STYXL1: variants seen among roughly 807,000 people sequenced by gnomAD.
STYXL1 encodes serine/threonine/tyrosine-interacting-like protein 1.
STYXL1 carries 32 observed loss-of-function variants against 36.4 expected under a neutral mutation model. That is an observed-to-expected ratio of 0.88 (90% CI 0.66 to 1.18). The LOEUF is 1.18. Among genes scored for constraint, STYXL1 ranks in the 50% most tolerant of loss-of-function variants. The probability of loss-of-function intolerance (pLI) is 0.00; values close to 1 mark genes in which losing one functional copy is unlikely to be tolerated. For missense variants in STYXL1, 354 were observed against 394.1 expected (o/e 0.90, Z 0.86); for synonymous variants, 133 against 144.1 (o/e 0.92, Z 0.55).
At chr7:76,027,529 T>C (rs1350080345) in intron 3 of STYXL1, among the ~76,000 whole-genome samples, 5 of 151,034 alleles carry the variant, frequency 3.3e-5, no homozygotes, top group Admixed American at 6.6e-5. Flanking sequence ...GAGGCTGAGA[T>C]AGGAGGGTTG....
rs553617883 is a variant in STYXL1 at position 76,012,956 on chromosome 7, G to A, written c.453+786C>T. Reference sequence around the variant, plus strand: ...CCCCTGCCTTTCTGACCTTGGTATCGGTCCACCATCCAGCCTGCCCTCTGA... The same window carrying A: ...CCCCTGCCTTTCTGACCTTGGTATCAGTCCACCATCCAGCCTGCCCTCTGA... On this transcript the variant is annotated intron_variant, in intron 5 of 8. Transcript: ENST00000359697. 1.4e-4 allele frequency among the ~76,000 whole-genome samples: 21 copies of A among 152,218 alleles called. No individual in the cohort carries two copies. The South Asian group carries it at 1.9e-3, about 14-fold the overall frequency.
At chr7:76,023,329 C>T (rs1794299541) in intron 3 of STYXL1, among the ~76,000 whole-genome samples, 2 of 152,078 alleles carry the variant, frequency 1.3e-5, no homozygotes, top group South Asian at 4.1e-4. Context: ...AGCTTTCATC[C>T]CAGACCCAGG....
intron 8 of STYXL1, among the ~76,000 whole-genome samples, chr7:75,996,930 G>A (rs1298218117): frequency 1.3e-5 from 2 of 152,228 alleles, no homozygotes; most frequent in Non-Finnish European, 2.9e-5. Context: ...CTCAACAAAG[G>A]TTTGCATTGT....
rs1795141228 is a variant in STYXL1 at position 76,029,965 on chromosome 7, G to GTTGTTCC, written c.103+455_103+456insGGAACAA. 5.3e-5 allele frequency among the ~76,000 whole-genome samples: 8 copies of GTTGTTCC among 152,112 alleles called. No individual in the cohort carries two copies. The South Asian group carries it at 1.7e-3, about 32-fold the overall frequency. On this transcript the variant is annotated intron_variant, in intron 2 of 8. Transcript: ENST00000359697. ...CTGGTTCCTAACAGACCACAGACTG[G>GTTGTTCC]TACTGGGGGTTGGGGGTTGCGGACT...
chr7:76,007,961 G>C (rs1396384182), intron 5 of STYXL1, among the ~76,000 whole-genome samples: 2 of 151,476 alleles, frequency 1.3e-5, no homozygotes, highest in African/African-American at 4.9e-5. Flanking sequence ...CACTTTGGGA[G>C]GCTGAGGTGG....
At chr7:76,017,866 C>CAAAAAAAAAA (rs71082374) in intron 4 of STYXL1, among the ~76,000 whole-genome samples, 268 of 10,358 alleles carry the variant, frequency 0.026, 62 homozygotes, top group Middle Eastern at 0.25. Context: ...AACTCCATCT[C>CAAAAAAAAAA]AAAAAAAAAA....
chr7:76,003,731 G>A (rs782101183), intron 7 of STYXL1, 27 bp downstream of exon 7: 1 of 1,604,426 alleles, frequency 6.2e-7, no homozygotes, highest in African/African-American at 1.3e-5. Context: ...CAGGCCAGTT[G>A]CTACCCGGCC....
chr7:76,002,527 T>A (rs549476300), intron 7 of STYXL1, among the ~76,000 whole-genome samples: 1 of 152,062 alleles, frequency 6.6e-6, no homozygotes, highest in Non-Finnish European at 1.5e-5. Flanking sequence ...CTAGATGGGG[T>A]CCCTCCTTGG....
At chr7:76,016,208 A>G (rs1793297090) in intron 4 of STYXL1, among the ~76,000 whole-genome samples, 1 of 151,908 alleles carries the variant, frequency 6.6e-6, no homozygotes, top group African/African-American at 2.4e-5. Flanking sequence ...ATACATATGT[A>G]CATGTATAGG....
chr7:76,000,534 G>C (rs576987102), intron 8 of STYXL1: 103 of 467,658 alleles, frequency 2.2e-4, no homozygotes, highest in African/African-American at 1.6e-3. Context: ...CCAAGGTACA[G>C]GGAGATAGAC....
chr7:76,007,503 C>T (rs530037602), intron 5 of STYXL1, among the ~76,000 whole-genome samples: 6 of 152,080 alleles, frequency 3.9e-5, no homozygotes, highest in Non-Finnish European at 7.4e-5. Flanking sequence ...AGTTGAAGAT[C>T]CAAGGATTTG....
At chr7:76,006,108 T>C (rs2116814780) in intron 5 of STYXL1, among the ~76,000 whole-genome samples, 1 of 152,200 alleles carries the variant, frequency 6.6e-6, no homozygotes, top group South Asian at 2.1e-4. Flanking sequence ...TCTCACTCTG[T>C]CACCCAGGCT....
At chr7:76,010,379 C>T (rs75910358) in intron 5 of STYXL1, among the ~76,000 whole-genome samples, 3,873 of 152,252 alleles carry the variant, frequency 0.025, 129 homozygotes, top group East Asian at 0.15. Context: ...GGGAACATGT[C>T]TGACCTCAGG....
intron 1 of STYXL1, among the ~76,000 whole-genome samples, chr7:76,034,547 G>A (rs2116386720): frequency 6.6e-6 from 1 of 152,308 alleles, no homozygotes; most frequent in Non-Finnish European, 1.5e-5. Flanking sequence ...CTCCAGCTCT[G>A]CATGGAAGAA....
intron 7 of STYXL1, 56 bp downstream of exon 7, chr7:76,003,702 C>G (rs1791273466): frequency 6.7e-7 from 1 of 1,500,302 alleles, no homozygotes; most frequent in African/African-American, 1.4e-5. Context: ...GGCTCCACTG[C>G]CCCTCTGCTT....
At chr7:76,013,479 C>T (rs1371257009) in intron 5 of STYXL1, among the ~76,000 whole-genome samples, 2 of 151,560 alleles carry the variant, frequency 1.3e-5, no homozygotes, top group Non-Finnish European at 2.9e-5. Context: ...GGCTGGAGTA[C>T]AGTGGCATGA....
At position 76,047,926 on chromosome 7, in the gene STYXL1, G is replaced by C; in HGVS notation, c.-269C>G. 1 of 1,430,044 alleles carries C rather than the reference G, an allele frequency of 7.0e-7. No individual in the cohort carries two copies. The highest frequency in any genetic ancestry group is 1.4e-5 in the South Asian group (1 of 69,382). The allele number at this position is 1,430,044 out of a possible 1,614,324, so 88.6% of individuals were successfully genotyped here. ...CAGGTCCCCCACCGGCCACACAGAC[G>C]GCTACGCTAGAACCCAGCCAAACAC... is the stretch of plus-strand genomic sequence containing the variant. On this transcript the variant is annotated 5_prime_UTR_variant, in exon 1 of 9. Coordinates refer to ENST00000359697, the MANE Select transcript of STYXL1 (RefSeq NM_001317785.2).
At chr7:76,028,746 A>G (rs1554578446) in intron 2 of STYXL1, 43 bp from the exon 3 acceptor site, 2 of 1,575,158 alleles carry the variant, frequency 1.3e-6, no homozygotes, top group Non-Finnish European at 8.7e-7. Flanking sequence ...GCAAAGGAAC[A>G]TACGACCAAA....
At chr7:76,041,267 T>C (rs140388103) in intron 1 of STYXL1, among the ~76,000 whole-genome samples, 2 of 152,116 alleles carry the variant, frequency 1.3e-5, no homozygotes, top group Non-Finnish European at 2.9e-5. Context: ...TAGTATATAA[T>C]GTGTGCACCT....
Sources: allele counts gnomAD v4.1 joint callset (sites outside exome capture counted in the v4.1 genomes callset), GRCh38; gene constraint gnomAD v4.1.1; transcripts MANE v1.5; gene names NCBI Gene and HGNC (gene_info 2026-07-23, HGNC 2026-07-21).